CATSPERT: variants seen among roughly 807,000 people sequenced by gnomAD.
CATSPERT encodes catsper channel auxiliary subunit tau, also known as cation channel sperm-associated targeting subunit tau.
chr2:201,560,155 C>T, the CATSPERT span, among the ~76,000 whole-genome samples: 7 of 151,994 alleles, frequency 4.6e-5, no homozygotes, highest in Non-Finnish European at 8.8e-5. Context: ...GGGCCAGGTA[C>T]GGTGGCTCAC....
the CATSPERT span, among the ~76,000 whole-genome samples, chr2:201,519,506 C>T: frequency 1.3e-5 from 2 of 151,684 alleles, no homozygotes; most frequent in Non-Finnish European, 2.9e-5. Context: ...TAGTAACAGA[C>T]CCCTAGCATA....
chr2:201,582,372 T>C, the CATSPERT span, among the ~76,000 whole-genome samples: 1 of 151,854 alleles, frequency 6.6e-6, no homozygotes, highest in Non-Finnish European at 1.5e-5. Flanking sequence ...TTTGCATACC[T>C]AGTGATACGT....
chr2:201,575,132 T>C, the CATSPERT span: 1 of 568,932 alleles, frequency 1.8e-6, no homozygotes, highest in Middle Eastern at 3.5e-4. Flanking sequence ...TTCTATTTCA[T>C]ACATTTCTAC....
chr2:201,593,409 G>A, the CATSPERT span, among the ~76,000 whole-genome samples: 1 of 151,800 alleles, frequency 6.6e-6, no homozygotes. Context: ...CAACTATGTG[G>A]TCAATTTTGG....
chr2:201,492,510 T>C, the CATSPERT span: 10 of 1,536,058 alleles, frequency 6.5e-6, no homozygotes, highest in Non-Finnish European at 8.7e-6. Flanking sequence ...TATCTTGTTC[T>C]AGTTCATGAA....
At chr2:201,590,991 G>C in the CATSPERT span, among the ~76,000 whole-genome samples, 8 of 152,192 alleles carry the variant, frequency 5.3e-5, no homozygotes, top group African/African-American at 1.9e-4. Context: ...AGTTTAATTA[G>C]ATCCCATTTG....
chr2:201,559,522 T>G, the CATSPERT span, among the ~76,000 whole-genome samples: 4 of 152,160 alleles, frequency 2.6e-5, no homozygotes, highest in African/African-American at 9.7e-5. Flanking sequence ...CAAGTTGCTC[T>G]GGGCAGGAAT....
chr2:201,605,162 G>A, the CATSPERT span, among the ~76,000 whole-genome samples: 2 of 151,638 alleles, frequency 1.3e-5, no homozygotes, highest in African/African-American at 4.9e-5. Context: ...GGGACAGAAA[G>A]CAAGGAAAGA....
chr2:201,573,877 G>A, the CATSPERT span, among the ~76,000 whole-genome samples: 10 of 152,076 alleles, frequency 6.6e-5, no homozygotes, highest in Non-Finnish European at 1.2e-4. Flanking sequence ...GGCTGGTCTC[G>A]AACTCCCAGC....
chr2:201,548,522 C>CTA, the CATSPERT span, among the ~76,000 whole-genome samples: 5 of 151,824 alleles, frequency 3.3e-5, no homozygotes, highest in South Asian at 2.1e-4. Flanking sequence ...GTCCATAACA[C>CTA]TATATATATA....
the CATSPERT span, among the ~76,000 whole-genome samples, chr2:201,614,812 C>A: frequency 6.6e-6 from 1 of 152,014 alleles, no homozygotes; most frequent in East Asian, 1.9e-4. Context: ...ATTTAGGAGA[C>A]CTATCTCACG....
At chr2:201,575,726 C>A in the CATSPERT span, among the ~76,000 whole-genome samples, 2 of 152,112 alleles carry the variant, frequency 1.3e-5, no homozygotes, top group Non-Finnish European at 2.9e-5. Flanking sequence ...AAGCTCAGGG[C>A]TCCCACTGAT....
chr2:201,600,721 G>A, the CATSPERT span, among the ~76,000 whole-genome samples: 30 of 151,474 alleles, frequency 2.0e-4, no homozygotes, highest in African/African-American at 7.0e-4. Context: ...TGGACAAATC[G>A]ATGAATCCTG....
At chr2:201,591,784 T>A in the CATSPERT span, among the ~76,000 whole-genome samples, 1 of 151,856 alleles carries the variant, frequency 6.6e-6, no homozygotes, top group African/African-American at 2.4e-5. Context: ...TGGCTCTCTG[T>A]TTGTCTGTTA....
the CATSPERT span, among the ~76,000 whole-genome samples, chr2:201,586,058 T>C: frequency 6.6e-6 from 1 of 152,240 alleles, no homozygotes. Flanking sequence ...ACCTTTATGA[T>C]GATCCTCTTC....
At chr2:201,527,305 A>G in the CATSPERT span, among the ~76,000 whole-genome samples, 1 of 152,224 alleles carries the variant, frequency 6.6e-6, no homozygotes, top group Non-Finnish European at 1.5e-5. Flanking sequence ...GAGAGGAAGA[A>G]TTAATATTGT....
chr2:201,546,312 C>A, the CATSPERT span, among the ~76,000 whole-genome samples: 1 of 152,096 alleles, frequency 6.6e-6, no homozygotes, highest in African/African-American at 2.4e-5. Flanking sequence ...ATTGAGAGAG[C>A]TATGAATCCT....
chr2:201,496,409 CT>C, the CATSPERT span, among the ~76,000 whole-genome samples: 1 of 152,244 alleles, frequency 6.6e-6, no homozygotes, highest in Non-Finnish European at 1.5e-5. Context: ...GTGGCATGAT[CT>C]TGGCTCACTG....
the CATSPERT span, chr2:201,574,312 A>G: frequency 6.5e-7 from 1 of 1,544,118 alleles, no homozygotes; most frequent in Non-Finnish European, 8.8e-7. Flanking sequence ...TTTGATCAGG[A>G]TGATATTTTA....
Sources: allele counts gnomAD v4.1 joint callset (sites outside exome capture counted in the v4.1 genomes callset), GRCh38; gene constraint gnomAD v4.1.1; transcripts MANE v1.5; gene names NCBI Gene and HGNC (gene_info 2026-07-23, HGNC 2026-07-21).